Variants in MCTP1 observed in about 807,000 individuals in gnomAD.
MCTP1 encodes multiple C2 and transmembrane domain containing 1.
Under a neutral mutation model 120.6 loss-of-function variants are expected in MCTP1, and 69 were observed. The observed-to-expected ratio is 0.57, with a 90% confidence interval of 0.47 to 0.70. The LOEUF is 0.70. Among genes scored for constraint, MCTP1 ranks in the 30% least tolerant of loss-of-function variants. MCTP1 has a pLI of 0.00. For missense variants in MCTP1, 1,203 were observed against 1,248.8 expected, an observed-to-expected ratio of 0.96 and a Z score of 0.55; for synonymous variants, 529 against 493.1, an observed-to-expected ratio of 1.07 and a Z score of -0.96.
chr5:94,963,274 A>T (rs749267054), intron 2 of MCTP1, among the ~76,000 whole-genome samples: 1 of 151,996 alleles, frequency 6.6e-6, no homozygotes, highest in Non-Finnish European at 1.5e-5. Context: ...ATGGGAGTGC[A>T]GATATCGCTA....
intron 1 of MCTP1, among the ~76,000 whole-genome samples, chr5:95,169,589 A>C (rs1746941119): frequency 6.6e-6 from 1 of 152,182 alleles, no homozygotes; most frequent in African/African-American, 2.4e-5. Flanking sequence ...TTATTGGTCT[A>C]TTCAGGAATT....
At chr5:95,070,249 C>T (rs1413199136) in intron 1 of MCTP1, among the ~76,000 whole-genome samples, 1 of 152,228 alleles carries the variant, frequency 6.6e-6, no homozygotes, top group Non-Finnish European at 1.5e-5. Flanking sequence ...CCCAGCTTGC[C>T]TCTCACCCTC....
intron 18 of MCTP1, among the ~76,000 whole-genome samples, chr5:94,787,368 G>A (rs1233270961): frequency 6.6e-6 from 1 of 151,770 alleles, no homozygotes; most frequent in African/African-American, 2.4e-5. Context: ...TATTTTTGTG[G>A]GACTTCCGTA....
intron 2 of MCTP1, among the ~76,000 whole-genome samples, chr5:95,000,362 T>G (rs534968351): frequency 6.6e-6 from 1 of 152,268 alleles, no homozygotes; most frequent in East Asian, 1.9e-4. Context: ...AAAAGTTAAC[T>G]GCAAAACAGT....
intron 12 of MCTP1, among the ~76,000 whole-genome samples, chr5:94,876,354 G>A (rs922178644): frequency 2.0e-5 from 3 of 152,026 alleles, no homozygotes; most frequent in African/African-American, 7.2e-5. Flanking sequence ...TACCTGGGTT[G>A]TGGGGTTGAT....
chr5:95,110,298 A>G (rs1235127061), intron 1 of MCTP1, among the ~76,000 whole-genome samples: 3 of 151,888 alleles, frequency 2.0e-5, no homozygotes, highest in African/African-American at 7.3e-5. Flanking sequence ...TTCCTCTTGC[A>G]TCTAGGTGGG....
chr5:95,268,257 G>C (rs1196996724), intron 1 of MCTP1, among the ~76,000 whole-genome samples: 1 of 152,218 alleles, frequency 6.6e-6, no homozygotes, highest in African/African-American at 2.4e-5. Flanking sequence ...CCACAACATA[G>C]ATATTTCATA....
intron 17 of MCTP1, among the ~76,000 whole-genome samples, chr5:94,842,644 T>C (rs1187333772): frequency 6.6e-6 from 1 of 152,224 alleles, no homozygotes; most frequent in Non-Finnish European, 1.5e-5. Context: ...CCAACTATTT[T>C]AGAATGTTCT....
Position 94,799,070 on chromosome 5 carries a change from T to C in MCTP1, c.2499A>G (p.Leu833=). ...LYMIPLVLLL[L]LTWNYFLIIS... is the part of the protein sequence containing the mutation. Reference sequence around the variant, plus strand: ...TTATCAAGAAGTAGTTCCATGTCAATAGTAACAACAAAACCAGTGGTATCA... The same window carrying C: ...TTATCAAGAAGTAGTTCCATGTCAACAGTAACAACAAAACCAGTGGTATCA... Residue 833 remains leucine, a synonymous_variant, in exon 18 of 23, where the codon CTA becomes CTG. Transcript: ENST00000515393. The C allele has an allele frequency of 1.2e-6, 2 of 1,611,878 alleles. No homozygotes were observed. Among genetic ancestry groups the C allele is most frequent in the Non-Finnish European group, 1.7e-6 (2 of 1,178,434 alleles).
chr5:94,945,452 G>A (rs868721703), intron 3 of MCTP1, among the ~76,000 whole-genome samples: 1 of 152,150 alleles, frequency 6.6e-6, no homozygotes, highest in Non-Finnish European at 1.5e-5. Flanking sequence ...ATGTCTATAG[G>A]TAATTATGGC....
intron 19 of MCTP1, among the ~76,000 whole-genome samples, chr5:94,717,353 G>A (rs1040634519): frequency 6.6e-6 from 1 of 152,020 alleles, no homozygotes; most frequent in African/African-American, 2.4e-5. Flanking sequence ...AATAAACTAG[G>A]TATTGATGGA....
At chr5:95,192,480 C>CTAG (rs1749931801) in intron 1 of MCTP1, among the ~76,000 whole-genome samples, 1 of 151,906 alleles carries the variant, frequency 6.6e-6, no homozygotes, top group African/African-American at 2.4e-5. Context: ...AGAGTACTGT[C>CTAG]TAGTAGTAAT....
intron 1 of MCTP1, among the ~76,000 whole-genome samples, chr5:95,182,889 G>A (rs943450110): frequency 1.3e-5 from 2 of 151,998 alleles, no homozygotes; most frequent in Admixed American, 1.3e-4. Context: ...AGCCGGACAT[G>A]GTGGCGGGTG....
intron 5 of MCTP1, among the ~76,000 whole-genome samples, chr5:94,939,174 G>T (rs1361483760): frequency 6.6e-6 from 1 of 152,126 alleles, no homozygotes; most frequent in Non-Finnish European, 1.5e-5. Flanking sequence ...CAAATTTGAT[G>T]TTGTAATTCA....
chr5:94,939,128 G>A (rs1816921582), intron 5 of MCTP1, among the ~76,000 whole-genome samples: 2 of 151,602 alleles, frequency 1.3e-5, no homozygotes, highest in African/African-American at 2.4e-5. Context: ...AATACTTCTT[G>A]AAAGGGTGAA....
At chr5:94,782,520 A>G (rs1259691638) in intron 18 of MCTP1, among the ~76,000 whole-genome samples, 1 of 152,184 alleles carries the variant, frequency 6.6e-6, no homozygotes, top group Non-Finnish European at 1.5e-5. Context: ...GAAACTGCAA[A>G]CTGAGCTTTT....
chr5:94,953,246 A>G lies in MCTP1; in HGVS notation c.954T>C (p.Asp318=). The G allele has an allele frequency of 3.7e-6, 6 of 1,612,772 alleles. No homozygotes were observed. The highest frequency in any genetic ancestry group is 5.1e-6 in the Non-Finnish European group (6 of 1,179,430). Reference sequence around the variant, plus strand: ...TTATATACAATGGCTCCCTAAGATGATCAACCAGAATACAAGCTTTTTCTT... The same window carrying G: ...TTATATACAATGGCTCCCTAAGATGGTCAACCAGAATACAAGCTTTTTCTT... ...VWEEKACILV[D]HLREPLYIKV... The change falls in exon 3 of 23, where the codon GAT becomes GAC. Residue 318 remains aspartate, a synonymous_variant. Coordinates refer to ENST00000515393, the MANE Select transcript of MCTP1 (RefSeq NM_024717.7).
At chr5:94,710,558 A>C (rs925227560) in intron 21 of MCTP1, 4 of 348,370 alleles carry the variant, frequency 1.1e-5, no homozygotes, top group Admixed American at 4.7e-5. Flanking sequence ...ACAAAGCTAC[A>C]CTTTGATATA....
intron 3 of MCTP1, among the ~76,000 whole-genome samples, chr5:94,949,753 A>G (rs978810923): frequency 1.3e-5 from 2 of 152,134 alleles, no homozygotes; most frequent in Admixed American, 1.3e-4. Context: ...TGTTCTAACT[A>G]TGTAGTTCAC....
Sources: allele counts gnomAD v4.1 joint callset (sites outside exome capture counted in the v4.1 genomes callset), GRCh38; gene constraint gnomAD v4.1.1; transcripts MANE v1.5; gene names NCBI Gene and HGNC (gene_info 2026-07-23, HGNC 2026-07-21).